The following LARGE1 variants were observed in gnomAD, a reference collection of about 807,000 sequenced individuals.
LARGE1 encodes the protein xylosyl- and glucuronyltransferase LARGE1.
LARGE1 carries 43 observed loss-of-function variants against 87.6 expected under a neutral mutation model. The observed-to-expected ratio is 0.49, with a 90% CI of 0.38 to 0.63. The LOEUF is 0.63. LARGE1 is among the 30% of genes least tolerant of loss of function. LARGE1 has a pLI of 0.00. For synonymous variants in LARGE1, 434 were observed against 394.6 expected, an observed-to-expected ratio of 1.10 and a Z score of -1.18; for missense variants, 802 against 1,000.2, an observed-to-expected ratio of 0.80 and a Z score of 2.67.
At chr22:33,120,358 TTTTCTTTC>T in the LARGE1 span, among the ~76,000 whole-genome samples, 3,040 of 118,698 alleles carry the variant, frequency 0.026, 61 homozygotes, top group East Asian at 0.094. Context: ...TTTTCTTTCT[TTTTCTTTC>T]TTTCTTTCTT....
chr22:33,386,410 G>A (rs1486776422), intron 7 of LARGE1, among the ~76,000 whole-genome samples: 2 of 148,750 alleles, frequency 1.3e-5, no homozygotes, highest in Non-Finnish European at 3.0e-5. Context: ...GTCTTTTGTT[G>A]ACTCTCAGTT....
At chr22:33,764,716 C>T (rs957165722) in intron 1 of LARGE1, among the ~76,000 whole-genome samples, 1 of 152,154 alleles carries the variant, frequency 6.6e-6, no homozygotes, top group Non-Finnish European at 1.5e-5. Flanking sequence ...AAGATTGTGC[C>T]ACCGCACTCC....
At chr22:33,708,670 G>A (rs1450601420) in intron 2 of LARGE1, among the ~76,000 whole-genome samples, 2 of 152,204 alleles carry the variant, frequency 1.3e-5, no homozygotes, top group Admixed American at 6.5e-5. Context: ...GTGCTATCTC[G>A]GCTCACTGCA....
At chr22:33,682,479 C>A (rs2081806165) in intron 2 of LARGE1, among the ~76,000 whole-genome samples, 1 of 152,216 alleles carries the variant, frequency 6.6e-6, no homozygotes, top group African/African-American at 2.4e-5. Flanking sequence ...GAAATTCTTA[C>A]TCAACTCTCA....
chr22:33,789,877 G>A (rs117121009), intron 1 of LARGE1, among the ~76,000 whole-genome samples: 2,622 of 152,316 alleles, frequency 0.017, 29 homozygotes, highest in South Asian at 0.043. Flanking sequence ...ATAGGTGGAA[G>A]AGACTAGCCT....
intron 2 of LARGE1, among the ~76,000 whole-genome samples, chr22:33,687,153 CTTTT>C (rs958730572): frequency 2.2e-5 from 3 of 139,354 alleles, no homozygotes; most frequent in Admixed American, 7.2e-5. Context: ...CCACCTCTTC[CTTTT>C]TTTTTTTTTT....
At chr22:33,196,374 T>C (rs1408915490) in intron 11 of LARGE1, among the ~76,000 whole-genome samples, 1 of 152,122 alleles carries the variant, frequency 6.6e-6, no homozygotes, top group Admixed American at 6.5e-5. Flanking sequence ...TGAACAACTT[T>C]ATGGCATTCA....
intron 6 of LARGE1, among the ~76,000 whole-genome samples, chr22:33,458,942 G>C (rs2068252874): frequency 6.6e-6 from 1 of 151,788 alleles, no homozygotes; most frequent in Non-Finnish European, 1.5e-5. Context: ...CTAGATACCA[G>C]GTATAGTATA....
intron 1 of LARGE1, among the ~76,000 whole-genome samples, chr22:33,852,721 C>T (rs1388749640): frequency 5.9e-5 from 9 of 151,332 alleles, no homozygotes; most frequent in African/African-American, 1.9e-4. Context: ...CCGGGCGTGG[C>T]GGCGTACACC....
intron 6 of LARGE1, among the ~76,000 whole-genome samples, chr22:33,560,392 A>G (rs1352017306): frequency 6.6e-6 from 1 of 152,164 alleles, no homozygotes; most frequent in Non-Finnish European, 1.5e-5. Context: ...GTGCCCATGT[A>G]CGCTGGATAG....
intron 3 of LARGE1, among the ~76,000 whole-genome samples, chr22:33,627,493 G>A (rs539370113): frequency 6.6e-6 from 1 of 152,330 alleles, no homozygotes; most frequent in Non-Finnish European, 1.5e-5. Context: ...CATTAAAGGA[G>A]GGGACCTGAG....
chr22:33,173,189 A>T (rs1922673604), intron 11 of LARGE1, among the ~76,000 whole-genome samples: 1 of 152,216 alleles, frequency 6.6e-6, no homozygotes, highest in African/African-American at 2.4e-5. Context: ...GCCAGAAGAG[A>T]GTGAGGGCCA....
intron 5 of LARGE1, among the ~76,000 whole-genome samples, chr22:33,597,822 T>G: frequency 6.6e-6 from 1 of 152,150 alleles, no homozygotes; most frequent in East Asian, 1.9e-4. Flanking sequence ...GATCAAAGGC[T>G]GGTAGACATG....
chr22:33,495,340 G>A (rs1432795025), intron 6 of LARGE1, among the ~76,000 whole-genome samples: 1 of 152,168 alleles, frequency 6.6e-6, no homozygotes, highest in East Asian at 1.9e-4. Flanking sequence ...CCAAGCCCTT[G>A]ACTGCCTTGG....
rs1055368957 is a variant in LARGE1, at chr22:33,389,835, A to T, written c.893-5531T>A. ...ACTCCAGCCAGGGTGACAGAATGAG[A>T]CTCAGTCTCAAAAACCAACCAACCA... On this transcript the variant is annotated intron_variant, in intron 7 of 14. Transcript: ENST00000397394. Among the ~76,000 whole-genome samples the T allele has an allele frequency of 2.6e-5, 4 of 151,608 alleles. No homozygotes were observed. The East Asian group carries it at 5.8e-4, about 22-fold the overall frequency.
At chr22:33,208,613 TGCA>T (rs1291895975) in intron 11 of LARGE1, among the ~76,000 whole-genome samples, 1 of 152,102 alleles carries the variant, frequency 6.6e-6, no homozygotes, top group Non-Finnish European at 1.5e-5. Flanking sequence ...GGGGTACATG[TGCA>T]GAATGTGCAG....
intron 6 of LARGE1, among the ~76,000 whole-genome samples, chr22:33,483,717 C>T (rs917351147): frequency 1.3e-5 from 2 of 152,102 alleles, no homozygotes; most frequent in South Asian, 2.1e-4. Flanking sequence ...CGTTAAAGGA[C>T]GATTAAATTA....
intron 11 of LARGE1, among the ~76,000 whole-genome samples, chr22:33,265,184 C>T (rs1394992813): frequency 1.3e-5 from 2 of 152,064 alleles, no homozygotes; most frequent in Admixed American, 6.6e-5. Flanking sequence ...GGATTACAGG[C>T]GTAAACCACC....
intron 6 of LARGE1, among the ~76,000 whole-genome samples, chr22:33,467,849 G>T (rs2068678668): frequency 6.6e-6 from 1 of 152,228 alleles, no homozygotes; most frequent in Non-Finnish European, 1.5e-5. Context: ...ACCAAAACTT[G>T]GCTCTTCAGC....
Sources: allele counts gnomAD v4.1 joint callset (sites outside exome capture counted in the v4.1 genomes callset), GRCh38; gene constraint gnomAD v4.1.1; transcripts MANE v1.5; gene names NCBI Gene and HGNC (gene_info 2026-07-23, HGNC 2026-07-21).